The following DNAAF9 variants were observed in gnomAD, a reference collection of about 807,000 sequenced individuals.
DNAAF9 encodes the protein shulin.
Under a neutral mutation model 167.0 loss-of-function variants are expected in DNAAF9, and 90 were observed. The observed-to-expected ratio is 0.54, with a 90% confidence interval of 0.45 to 0.64. DNAAF9 has a LOEUF of 0.64. Ranked by LOEUF, DNAAF9 falls within the 30% of genes least tolerant of loss-of-function variation. DNAAF9 has a pLI of 0.00. For synonymous variants in DNAAF9, 491 were observed against 508.8 expected, an observed-to-expected ratio of 0.96 and a Z score of 0.47; for missense variants, 1,315 against 1,442.2, an observed-to-expected ratio of 0.91 and a Z score of 1.43.
rs55881467 is a variant in DNAAF9, at chr20:3,337,440, G to GTTTTT, written c.981+3059_981+3063dup. Among the ~76,000 whole-genome samples, 1,179 of 134,368 alleles carry GTTTTT rather than the reference G, an allele frequency of 8.8e-3. 12 individuals are homozygous for GTTTTT. Among genetic ancestry groups the GTTTTT allele is most frequent in the Non-Finnish European group, 0.014 (910 of 63,372 alleles). The allele number at this position is 134,368 out of a possible 152,430, so 88.2% of individuals were successfully genotyped here. On this transcript the variant is annotated intron_variant, in intron 10 of 36. Coordinates refer to ENST00000252032, the MANE Select transcript of DNAAF9 (RefSeq NM_001009984.3). ...CACCACGCCCAGGTTCTTTTTTTTT[G>GTTTTT]TTTTTTTTTTTTTTGGTATTTTTAG...
At chr20:3,311,818 T>A (rs1195183825) in intron 20 of DNAAF9, among the ~76,000 whole-genome samples, 1 of 152,174 alleles carries the variant, frequency 6.6e-6, no homozygotes, top group East Asian at 1.9e-4. Context: ...GCAGCCTGCC[T>A]GGCCACAGAC....
intron 1 of DNAAF9, among the ~76,000 whole-genome samples, chr20:3,389,159 T>G (rs1374149669): frequency 3.3e-5 from 5 of 151,914 alleles, no homozygotes; most frequent in African/African-American, 1.2e-4. Context: ...TTAGTAGAGA[T>G]GAGGTTTCAC....
intron 8 of DNAAF9, 115 bp from the exon 9 acceptor site, chr20:3,343,846 TGTGTGTGTGTGTGC>T: frequency 1.6e-6 from 1 of 631,696 alleles, no homozygotes; most frequent in Non-Finnish European, 2.8e-6. Flanking sequence ...ACAGCGTGTG[TGTGTGTGTGTGTGC>T]GTGTGTGCAT....
In DNAAF9 at chr20:3,343,231, C is replaced by T. The variant is rs190844846; in HGVS notation, c.845+445G>A. Among the ~76,000 whole-genome samples, 726 of 152,268 alleles carry T rather than the reference C, an allele frequency of 4.8e-3. 3 individuals carry two copies. The highest frequency in any genetic ancestry group is 8.4e-3 in the Non-Finnish European group (571 of 68,024). Reference sequence around the variant, plus strand: ...AGGCTGAAGTACAATGGCACGATCTCGGCTCACTGCAACCTCCGCCTCCTG... The same window carrying T: ...AGGCTGAAGTACAATGGCACGATCTTGGCTCACTGCAACCTCCGCCTCCTG... On this transcript the variant is annotated intron_variant, in intron 9 of 36. Transcript: ENST00000252032.
At chr20:3,349,028 T>G (rs949741711) in intron 7 of DNAAF9, among the ~76,000 whole-genome samples, 1 of 151,766 alleles carries the variant, frequency 6.6e-6, no homozygotes, top group Non-Finnish European at 1.5e-5. Context: ...GGATGAATAT[T>G]ATGGTACATA....
intron 29 of DNAAF9, among the ~76,000 whole-genome samples, chr20:3,271,496 C>T (rs2068591063): frequency 6.6e-6 from 1 of 152,162 alleles, no homozygotes; most frequent in Admixed American, 6.5e-5. Flanking sequence ...ACTTACCACA[C>T]TTCACCACCC....
At chr20:3,340,433 T>TCCGGGGGCCCCCCCCCC in intron 10 of DNAAF9, 71 bp downstream of exon 10, 1 of 221,214 alleles carries the variant, frequency 4.5e-6, no homozygotes, top group Non-Finnish European at 9.5e-6. Flanking sequence ...TTTGTCTAGC[T>TCCGGGGGCCCCCCCCCC]CCCCCCACCC....
intron 9 of DNAAF9, among the ~76,000 whole-genome samples, chr20:3,341,879 G>A (rs997488356): frequency 2.2e-4 from 33 of 152,122 alleles, no homozygotes; most frequent in African/African-American, 7.2e-4. Flanking sequence ...CCAGGTTCAC[G>A]CCATTCTCCT....
chr20:3,381,004 C>G (rs984733588), intron 3 of DNAAF9, among the ~76,000 whole-genome samples: 17 of 152,194 alleles, frequency 1.1e-4, no homozygotes, highest in African/African-American at 4.1e-4. Flanking sequence ...GTAGGAGCTG[C>G]CTGCAGGCCC....
chr20:3,270,840 T>C (rs2122809240), intron 29 of DNAAF9, among the ~76,000 whole-genome samples: 1 of 149,590 alleles, frequency 6.7e-6, no homozygotes, highest in East Asian at 2.0e-4. Context: ...TAAGACGGTG[T>C]CTCACTCTGT....
intron 36 of DNAAF9, 31 bp from the exon 37 acceptor site, chr20:3,252,715 G>T: frequency 7.4e-7 from 1 of 1,347,892 alleles, no homozygotes; most frequent in Non-Finnish European, 1.1e-6. Context: ...AGAGCTCTGA[G>T]CCTGGAGGAC....
chr20:3,344,580 TACACACACATACACACACACAC>T (rs1308363729), intron 8 of DNAAF9, among the ~76,000 whole-genome samples: 1 of 98,284 alleles, frequency 1.0e-5, no homozygotes, highest in African/African-American at 4.1e-5. Context: ...ATGGAAAAAA[TACACACACATACACACACACAC>T]ACACACACAC....
intron 20 of DNAAF9, among the ~76,000 whole-genome samples, chr20:3,314,803 T>C (rs56180294): frequency 9.9e-4 from 151 of 152,346 alleles, no homozygotes; most frequent in Non-Finnish European, 1.8e-3. Flanking sequence ...GAGAGCTAAC[T>C]AACCTCAGGC....
chr20:3,322,305 A>T, intron 15 of DNAAF9, 43 bp from the exon 16 acceptor site: 2 of 1,453,294 alleles, frequency 1.4e-6, no homozygotes, highest in Non-Finnish European at 1.9e-6. Flanking sequence ...AAGAGTTTTT[A>T]AGTGTACTTA....
At chr20:3,296,629 C>T (rs2069084718) in intron 23 of DNAAF9, 3 of 491,160 alleles carry the variant, frequency 6.1e-6, no homozygotes, top group Non-Finnish European at 1.1e-5. Context: ...CATCCTCCTG[C>T]CTCAGCCTCC....
rs199504854 is a variant in DNAAF9, at chr20:3,383,803, T to TC, written c.84-1298_84-1297insG. The stretch of plus-strand genomic sequence containing the variant: ...GAATTCTTTTGCCCCACTGGATTCT[T>TC]TTTTTTTTTTTTTGAAATGGACTCT... On this transcript the variant is annotated intron_variant, in intron 1 of 36. Transcript: ENST00000252032. 3.8e-3 allele frequency among the ~76,000 whole-genome samples: 554 copies of TC among 147,574 alleles called. 2 individuals carry two copies. The highest frequency in any genetic ancestry group is 0.013 in the African/African-American group (515 of 40,368).
At chr20:3,351,556 G>A (rs1192759829) in intron 7 of DNAAF9, among the ~76,000 whole-genome samples, 1 of 152,058 alleles carries the variant, frequency 6.6e-6, no homozygotes, top group Non-Finnish European at 1.5e-5. Flanking sequence ...AGACAGCTAG[G>A]GGGCAGGGGG....
intron 3 of DNAAF9, among the ~76,000 whole-genome samples, chr20:3,377,358 A>G (rs1434685196): frequency 6.6e-6 from 1 of 152,224 alleles, no homozygotes; most frequent in Non-Finnish European, 1.5e-5. Context: ...TCAAAGGAGT[A>G]TATTTTGGGA....
In DNAAF9 at chr20:3,395,172, C is replaced by T. The variant is rs749380920; in HGVS notation, c.83+12303G>A. On this transcript the variant is annotated intron_variant, in intron 1 of 36. Transcript: ENST00000252032. ...ATTTTTAGTAGAGACGGGGTTTCAC[C>T]GTGTTAGCCAGGATGGTCTCGATCT... Among the ~76,000 whole-genome samples, 48 of 148,912 alleles carry T rather than the reference C, an allele frequency of 3.2e-4. 1 individual carries two copies. Among genetic ancestry groups the T allele is most frequent in the South Asian group, 1.3e-3 (6 of 4,762 alleles).
Sources: allele counts gnomAD v4.1 joint callset (sites outside exome capture counted in the v4.1 genomes callset), GRCh38; gene constraint gnomAD v4.1.1; transcripts MANE v1.5; gene names NCBI Gene and HGNC (gene_info 2026-07-23, HGNC 2026-07-21).